PTPRT: variants seen among roughly 807,000 people sequenced by gnomAD.
PTPRT encodes the protein receptor-type tyrosine-protein phosphatase T.
PTPRT carries 56 observed loss-of-function variants against 176.8 expected under a neutral mutation model. The observed-to-expected ratio is 0.32, with a 90% CI of 0.26 to 0.40. The LOEUF is 0.40. Among genes scored for constraint, PTPRT ranks in the 10% least tolerant of loss-of-function variants. The pLI, the probability that PTPRT is intolerant of heterozygous loss-of-function variation, is 1.00. For synonymous variants in PTPRT, 783 were observed against 739.0 expected (o/e 1.06, Z -0.96); for missense variants, 1,540 against 1,908.2 (o/e 0.81, Z 3.60).
intron 1 of PTPRT, among the ~76,000 whole-genome samples, chr20:42,919,537 T>C (rs182099485): frequency 3.3e-5 from 5 of 151,986 alleles, no homozygotes; most frequent in African/African-American, 1.2e-4. Flanking sequence ...AGGGGTTCTA[T>C]GTGATTCCGA....
At chr20:43,033,922 C>T (rs942936697) in intron 1 of PTPRT, among the ~76,000 whole-genome samples, 3 of 152,222 alleles carry the variant, frequency 2.0e-5, no homozygotes, top group Admixed American at 6.5e-5. Context: ...GACCACCCTG[C>T]TGCCTCTCAC....
intron 4 of PTPRT, among the ~76,000 whole-genome samples, chr20:42,779,581 GT>G (rs2077185286): frequency 1.3e-5 from 2 of 152,124 alleles, no homozygotes; most frequent in Non-Finnish European, 2.9e-5. Flanking sequence ...CTGAGATTTA[GT>G]AAATCCAGAA....
chr20:42,254,220 T>C (rs548238833), intron 13 of PTPRT, among the ~76,000 whole-genome samples: 1 of 152,348 alleles, frequency 6.6e-6, no homozygotes, highest in East Asian at 1.9e-4. Context: ...TGGTGAGTCC[T>C]GTCCAGCTGT....
the PTPRT span, among the ~76,000 whole-genome samples, chr20:42,057,817 G>C: frequency 6.6e-6 from 1 of 152,094 alleles, no homozygotes; most frequent in Non-Finnish European, 1.5e-5. Context: ...GGGCCCAAGT[G>C]ATCCTCCCAC....
At chr20:42,034,071 C>A in the PTPRT span, among the ~76,000 whole-genome samples, 10 of 152,148 alleles carry the variant, frequency 6.6e-5, no homozygotes, top group African/African-American at 1.7e-4. Context: ...AAATAACACA[C>A]CTTTAATGCC....
rs372922480 is a variant in PTPRT, at chr20:42,847,859, T to C, written c.214+37948A>G. Among the ~76,000 whole-genome samples the C allele has an allele frequency of 9.8e-5, 15 of 152,324 alleles. No individual in the cohort carries two copies. In the South Asian group the frequency reaches 3.1e-3, roughly 32 times the overall value. ...TTTAAAAAATTTTTTCCATAGGTTTTTGGAAAACAGGTGGTATTTGGGTAC... is the reference window on the plus strand; with the variant it reads ...TTTAAAAAATTTTTTCCATAGGTTTCTGGAAAACAGGTGGTATTTGGGTAC... On this transcript the variant is annotated intron_variant, in intron 2 of 30. Coordinates refer to ENST00000373187, the MANE Select transcript of PTPRT (RefSeq NM_007050.6).
intron 13 of PTPRT, chr20:42,270,274 G>C (rs1315347564): frequency 2.3e-5 from 18 of 779,882 alleles, no homozygotes; most frequent in Non-Finnish European, 3.4e-5. Flanking sequence ...GTGAATGGGT[G>C]GGGGGGTGGG....
At chr20:42,670,029 C>G (rs1006633384) in intron 7 of PTPRT, among the ~76,000 whole-genome samples, 1 of 152,174 alleles carries the variant, frequency 6.6e-6, no homozygotes, top group South Asian at 2.1e-4. Flanking sequence ...GAGGACTCCA[C>G]AACATGCACA....
In PTPRT at chr20:42,255,357, G is replaced by T. The variant is rs560359094; in HGVS notation, c.2177-6535C>A. Among the ~76,000 whole-genome samples, 3 of 152,288 alleles carry T rather than the reference G, an allele frequency of 2.0e-5. No individual in the cohort carries two copies. In the South Asian group the frequency reaches 6.2e-4, roughly 32 times the overall value. On this transcript the variant is annotated intron_variant, in intron 13 of 30. Coordinates refer to ENST00000373187, the MANE Select transcript of PTPRT (RefSeq NM_007050.6). ...CAAATGTAATAATGGAGGGAAAAAT[G>T]CTTGATAAACTCTTGAGGAACTGTT... is the stretch of plus-strand genomic sequence containing the variant.
chr20:42,838,475 T>C (rs1395763140), intron 2 of PTPRT, among the ~76,000 whole-genome samples: 2 of 152,160 alleles, frequency 1.3e-5, no homozygotes, highest in East Asian at 3.9e-4. Flanking sequence ...GCTGGAGATT[T>C]CTTTCCTGAG....
chr20:42,045,967 C>T, the PTPRT span, among the ~76,000 whole-genome samples: 1 of 152,018 alleles, frequency 6.6e-6, no homozygotes, highest in African/African-American at 2.4e-5. Flanking sequence ...TTTTTTCTTA[C>T]AATATTTACC....
intron 7 of PTPRT, among the ~76,000 whole-genome samples, chr20:42,671,814 G>C (rs1172911553): frequency 1.3e-5 from 2 of 152,120 alleles, no homozygotes; most frequent in African/African-American, 4.8e-5. Flanking sequence ...AAAAATATAA[G>C]AAATGGATTA....
chr20:42,327,430 T>C (rs146562656), intron 11 of PTPRT, among the ~76,000 whole-genome samples: 4 of 152,222 alleles, frequency 2.6e-5, no homozygotes, highest in African/African-American at 9.6e-5. Context: ...ATGTGACCTA[T>C]ATATTAGATA....
intron 16 of PTPRT, among the ~76,000 whole-genome samples, chr20:42,176,818 C>T (rs6065438): frequency 0.071 from 10,865 of 152,256 alleles, 503 homozygotes; most frequent in Middle Eastern, 0.11. Context: ...AATGAAATAA[C>T]TAAACTTGTC....
At chr20:43,023,913 G>A (rs920516263) in intron 1 of PTPRT, among the ~76,000 whole-genome samples, 12 of 152,238 alleles carry the variant, frequency 7.9e-5, no homozygotes, top group Non-Finnish European at 1.6e-4. Context: ...ATATAGCTTT[G>A]TGTGCTTTCA....
chr20:42,211,095 G>A (rs1164818640), intron 15 of PTPRT, among the ~76,000 whole-genome samples: 1 of 152,168 alleles, frequency 6.6e-6, no homozygotes, highest in Non-Finnish European at 1.5e-5. Flanking sequence ...CTAGCCATAT[G>A]TAGAAAGCTG....
At chr20:42,699,234 T>C (rs1413641890) in intron 6 of PTPRT, among the ~76,000 whole-genome samples, 1 of 152,136 alleles carries the variant, frequency 6.6e-6, no homozygotes, top group African/African-American at 2.4e-5. Flanking sequence ...ACTGATCACA[T>C]CTGAAATATA....
At chr20:42,210,069 C>T (rs1049372697) in intron 15 of PTPRT, among the ~76,000 whole-genome samples, 15 of 152,122 alleles carry the variant, frequency 9.9e-5, no homozygotes, top group African/African-American at 3.6e-4. Context: ...TCAATAGATG[C>T]AGAAAAAGCC....
chr20:42,973,658 TAAAC>T (rs1982784780), intron 1 of PTPRT, among the ~76,000 whole-genome samples: 1 of 152,186 alleles, frequency 6.6e-6, no homozygotes, highest in Non-Finnish European at 1.5e-5. Flanking sequence ...TATGAATTAT[TAAAC>T]AAACAGGAAT....
Sources: gnomAD v4.1 joint callset for allele counts (sites outside exome capture counted in the v4.1 genomes callset) on GRCh38, gnomAD v4.1.1 for gene constraint, MANE v1.5 for transcripts, NCBI Gene and HGNC (gene_info 2026-07-23, HGNC 2026-07-21) for gene names.